NEGR1: variants seen among roughly 807,000 people sequenced by gnomAD.
NEGR1 encodes the protein IgLON family member 4.
NEGR1 carries 10 observed loss-of-function variants against 40.9 expected under a neutral mutation model. The ratio of observed to expected loss-of-function variants is 0.24; its 90% CI spans 0.15 to 0.42. The LOEUF (loss-of-function observed/expected upper bound fraction) is 0.42. Among genes scored for constraint, NEGR1 ranks in the 10% least tolerant of loss-of-function variants. The probability of loss-of-function intolerance (pLI) is 1.00; values close to 1 mark genes in which losing one functional copy is unlikely to be tolerated. For synonymous variants in NEGR1, 185 were observed against 166.8 expected (o/e 1.11, Z -0.84); for missense variants, 352 against 438.9 (o/e 0.80, Z 1.77).
chr1:72,058,485 G>C (rs764384759), intron 1 of NEGR1, among the ~76,000 whole-genome samples: 1 of 151,592 alleles, frequency 6.6e-6, no homozygotes, highest in Admixed American at 6.6e-5. Flanking sequence ...AAACATAGCA[G>C]TACATTTTGA....
intron 1 of NEGR1, among the ~76,000 whole-genome samples, chr1:71,972,913 C>G (rs1646269399): frequency 6.6e-6 from 1 of 152,098 alleles, no homozygotes; most frequent in Admixed American, 6.5e-5. Context: ...AATAGTAAGA[C>G]TTAAATAATG....
At chr1:71,725,866 T>A (rs1178525980) in intron 3 of NEGR1, among the ~76,000 whole-genome samples, 1 of 152,110 alleles carries the variant, frequency 6.6e-6, no homozygotes, top group Non-Finnish European at 1.5e-5. Context: ...CTGCTCCTCC[T>A]CAGTGATAGA....
intron 3 of NEGR1, among the ~76,000 whole-genome samples, chr1:71,707,888 T>C (rs189546041): frequency 1.6e-4 from 24 of 152,252 alleles, no homozygotes; most frequent in African/African-American, 5.5e-4. Context: ...TCTTGCATCT[T>C]GTCCAAGACC....
At chr1:71,427,128 G>A (rs2101288071) in intron 6 of NEGR1, among the ~76,000 whole-genome samples, 1 of 152,316 alleles carries the variant, frequency 6.6e-6, no homozygotes, top group African/African-American at 2.4e-5. Flanking sequence ...CGTTGGAGAT[G>A]TCATAAGCAT....
chr1:71,869,454 A>C (rs1660214114), intron 2 of NEGR1, among the ~76,000 whole-genome samples: 2 of 152,188 alleles, frequency 1.3e-5, no homozygotes, highest in Non-Finnish European at 1.5e-5. Flanking sequence ...AGGAGGGAAA[A>C]GTGATTACCT....
chr1:72,054,111 A>G (rs188995675), intron 1 of NEGR1, among the ~76,000 whole-genome samples: 132 of 151,494 alleles, frequency 8.7e-4, no homozygotes, highest in Admixed American at 1.8e-3. Context: ...ACAGCAAAAT[A>G]TCTCCTGCAT....
chr1:72,075,453 A>G (rs564703408), intron 1 of NEGR1, among the ~76,000 whole-genome samples: 1 of 152,332 alleles, frequency 6.6e-6, no homozygotes, highest in East Asian at 1.9e-4. Flanking sequence ...TACTGGAATT[A>G]AAACTACTAA....
chr1:71,880,701 A>G (rs1660561914), intron 2 of NEGR1, among the ~76,000 whole-genome samples: 1 of 152,026 alleles, frequency 6.6e-6, no homozygotes, highest in Non-Finnish European at 1.5e-5. Context: ...ACTGCCTTCA[A>G]TTCTGACTGT....
At chr1:71,555,962 T>C (rs1191990983) in intron 6 of NEGR1, among the ~76,000 whole-genome samples, 2 of 151,290 alleles carry the variant, frequency 1.3e-5, no homozygotes, top group Non-Finnish European at 3.0e-5. Context: ...GCTAGTAAAT[T>C]TAGTAAAATG....
chr1:72,234,259 G>A (rs1013159964), intron 1 of NEGR1, among the ~76,000 whole-genome samples: 1 of 152,028 alleles, frequency 6.6e-6, no homozygotes, highest in Non-Finnish European at 1.5e-5. Flanking sequence ...TCCTGTGTTA[G>A]TTTGCTAAAG....
At chr1:71,887,348 C>A (rs1043663734) in intron 2 of NEGR1, among the ~76,000 whole-genome samples, 1 of 152,018 alleles carries the variant, frequency 6.6e-6, no homozygotes, top group East Asian at 1.9e-4. Context: ...GTTCAAGGGT[C>A]AACTGTATTG....
At position 72,252,597 on chromosome 1, in the gene NEGR1, T is replaced by C. The variant is rs572543866; in HGVS notation, c.176+29722A>G. Among the ~76,000 whole-genome samples the C allele has an allele frequency of 5.9e-5, 9 of 152,282 alleles. No individual in the cohort carries two copies. The South Asian group carries it at 1.0e-3, about 18-fold the overall frequency. On this transcript the variant is annotated intron_variant, in intron 1 of 6. Coordinates refer to ENST00000357731, the MANE Select transcript of NEGR1 (RefSeq NM_173808.3). Reference sequence around the variant, plus strand: ...AGTTATATTACTTGAGTGGACTCTATAGTACATATATTAACTTTAGAAACA... The same window carrying C: ...AGTTATATTACTTGAGTGGACTCTACAGTACATATATTAACTTTAGAAACA...
chr1:71,690,671 G>GAGAGAGAGAGAGAGAC (rs1553158857), intron 4 of NEGR1, among the ~76,000 whole-genome samples: 2 of 142,112 alleles, frequency 1.4e-5, no homozygotes, highest in Non-Finnish European at 1.5e-5. Flanking sequence ...GAGAGATTGA[G>GAGAGAGAGAGAGAGAC]ATTTGCCGTT....
chr1:72,230,639 A>G (rs1192048085), intron 1 of NEGR1, among the ~76,000 whole-genome samples: 2 of 152,058 alleles, frequency 1.3e-5, no homozygotes, highest in Non-Finnish European at 2.9e-5. Context: ...TCTTATAACC[A>G]AAGTACACTC....
chr1:72,183,189 A>G (rs1652455240), intron 1 of NEGR1, among the ~76,000 whole-genome samples: 1 of 151,996 alleles, frequency 6.6e-6, no homozygotes, highest in Admixed American at 6.6e-5. Flanking sequence ...AAGAGACCCT[A>G]CTTCAGGGAG....
intron 4 of NEGR1, among the ~76,000 whole-genome samples, chr1:71,688,323 T>TATATATATATATATATAGATAG: frequency 8.9e-6 from 1 of 112,866 alleles, no homozygotes; most frequent in Non-Finnish European, 1.8e-5. Context: ...TATATATATA[T>TATATATATATATATATAGATAG]ATATAGATAG....
At chr1:72,274,468 GA>G (rs1655968338) in intron 1 of NEGR1, 1 of 575,424 alleles carries the variant, frequency 1.7e-6, no homozygotes, top group East Asian at 3.0e-5. Context: ...TTGAGCAGCA[GA>G]AGCACATAGC....
rs578078864 is a variant in NEGR1, at chr1:72,143,966, G to A, written c.176+138353C>T. ...TCATCCATTCAGTATTTTCAACTGG[G>A]GAGAGATTTGTAAGAAAGACCTGAG... On this transcript the variant is annotated intron_variant, in intron 1 of 6. Coordinates refer to ENST00000357731, the MANE Select transcript of NEGR1 (RefSeq NM_173808.3). Among the ~76,000 whole-genome samples, 9 of 131,764 alleles carry A rather than the reference G, an allele frequency of 6.8e-5. No individual in the cohort carries two copies. In the South Asian group the frequency reaches 2.2e-3, roughly 33 times the overall value. The allele number at this position is 131,764 out of a possible 152,430, so 86.4% of individuals were successfully genotyped here.
intron 1 of NEGR1, among the ~76,000 whole-genome samples, chr1:72,198,290 G>A (rs1425892620): frequency 6.6e-6 from 1 of 151,972 alleles, no homozygotes; most frequent in Non-Finnish European, 1.5e-5. Context: ...AAGACTATAT[G>A]ACTTTGCCTT....
Sources: gnomAD v4.1 joint callset for allele counts (sites outside exome capture counted in the v4.1 genomes callset) on GRCh38, gnomAD v4.1.1 for gene constraint, MANE v1.5 for transcripts, NCBI Gene and HGNC (gene_info 2026-07-23, HGNC 2026-07-21) for gene names.